Variants in DENND2B observed in about 807,000 individuals in gnomAD.
The protein encoded by DENND2B is DENN domain-containing protein 2B.
DENND2B carries 32 observed loss-of-function variants against 116.0 expected under a neutral mutation model. That is an observed-to-expected ratio of 0.28 (90% CI 0.21 to 0.37). The LOEUF (loss-of-function observed/expected upper bound fraction) is 0.37. Among genes scored for constraint, DENND2B ranks in the 10% least tolerant of loss-of-function variants. DENND2B has a pLI of 1.00. For synonymous variants in DENND2B, 588 were observed against 583.9 expected (o/e 1.01, Z -0.10); for missense variants, 1,276 against 1,477.7 (o/e 0.86, Z 2.24).
Position 8,717,868 on chromosome 11 carries a change from T to C in DENND2B, c.1502A>G (p.Tyr501Cys), listed in dbSNP as rs1424857379. ...IVGDLPKENP[Y>C]EDVDLKSRRA... ...TCGGCTCTTTAAGTCCACATCCTCATATGGATTCTCCTTGGGCAGATCTCC... is the reference window on the plus strand; with the variant it reads ...TCGGCTCTTTAAGTCCACATCCTCACATGGATTCTCCTTGGGCAGATCTCC... The change falls in exon 5 of 20, where the codon TAT becomes TGT. Residue 501 changes from tyrosine (Y) to cysteine (C), a missense_variant. Tyr to Cys is a radical substitution (Grantham distance 194). This residue lies in a region of DENND2B where 856 missense variants were observed against 846.6 expected (regional missense o/e 1.01). Coordinates refer to ENST00000313726, the MANE Select transcript of DENND2B (RefSeq NM_213618.2). 2 of 1,612,404 alleles carry C rather than the reference T, an allele frequency of 1.2e-6. No individual in the cohort carries two copies. Among genetic ancestry groups the C allele is most frequent in the South Asian group, 1.1e-5 (1 of 91,002 alleles).
intron 2 of DENND2B, among the ~76,000 whole-genome samples, chr11:8,732,401 G>A (rs562260098): frequency 7.1e-4 from 108 of 152,330 alleles, no homozygotes; most frequent in African/African-American, 2.4e-3. Context: ...AAACCAGGAC[G>A]TGAACTTCCA....
At chr11:8,811,602 C>T (rs1566003173), upstream of DENND2B, 1 of 355,702 alleles carries the variant, frequency 2.8e-6, no homozygotes, top group Non-Finnish European at 5.0e-6. Flanking sequence ...CCCTTCCTCT[C>T]CCCCCTACCC....
At chr11:8,715,038 G>A (rs928714294) in intron 6 of DENND2B, among the ~76,000 whole-genome samples, 1 of 152,192 alleles carries the variant, frequency 6.6e-6, no homozygotes, top group African/African-American at 2.4e-5. Context: ...CTGAGACAAA[G>A]AGCCTCTGAG....
At chr11:8,896,364 TAGG>T (rs2064101587) in intron 1 of DENND2B, among the ~76,000 whole-genome samples, 1 of 152,092 alleles carries the variant, frequency 6.6e-6, no homozygotes, top group African/African-American at 2.4e-5. Context: ...CAAAAAAGGT[TAGG>T]AGGAATATAA....
intron 3 of DENND2B, chr11:8,845,219 C>T (rs1299779686): frequency 1.3e-5 from 2 of 152,070 alleles, no homozygotes; most frequent in African/African-American, 4.8e-5. Context: ...TAGTGGTAAG[C>T]ACCAAGAAAC....
intron 4 of DENND2B, among the ~76,000 whole-genome samples, chr11:8,724,496 G>A (rs2046760249): frequency 1.3e-5 from 2 of 152,148 alleles, no homozygotes; most frequent in African/African-American, 4.8e-5. Context: ...ACACTGACAC[G>A]CACACTTCAC....
intron 3 of DENND2B, among the ~76,000 whole-genome samples, chr11:8,726,695 T>G (rs2047136734): frequency 6.6e-6 from 1 of 152,188 alleles, no homozygotes; most frequent in African/African-American, 2.4e-5. Flanking sequence ...TGGAATTGAG[T>G]GCCTGGTCTG....
chr11:8,811,380 C>T, upstream of DENND2B: 1 of 398,510 alleles, frequency 2.5e-6, no homozygotes, highest in Non-Finnish European at 4.4e-6. Flanking sequence ...CAGGAAGAAT[C>T]CTGGGCAAGT....
chr11:8,900,236 TA>T (rs971630701), intron 1 of DENND2B, among the ~76,000 whole-genome samples: 4 of 149,384 alleles, frequency 2.7e-5, no homozygotes, highest in African/African-American at 9.9e-5. Context: ...CTGTCCTGGC[TA>T]ACACGGTGAA....
At chr11:8,829,932 A>G (rs75677722) in intron 4 of DENND2B, among the ~76,000 whole-genome samples, 2,851 of 152,286 alleles carry the variant, frequency 0.019, 33 homozygotes, top group Non-Finnish European at 0.031. Context: ...TAGCTCTCAC[A>G]GGTCAGAAAC....
chr11:8,778,759 C>T (rs1460067138), intron 1 of DENND2B, among the ~76,000 whole-genome samples: 1 of 152,234 alleles, frequency 6.6e-6, no homozygotes, highest in Non-Finnish European at 1.5e-5. Context: ...CTGGAGGGCA[C>T]ACCCTGAACA....
chr11:8,733,828 C>T (rs570373686), intron 2 of DENND2B, among the ~76,000 whole-genome samples: 81 of 152,356 alleles, frequency 5.3e-4, no homozygotes, highest in African/African-American at 1.8e-3. Context: ...AGGTTAAGAA[C>T]TTTCTCTCAA....
At chr11:8,834,315 G>C (rs1256647551) in intron 4 of DENND2B, among the ~76,000 whole-genome samples, 2 of 152,202 alleles carry the variant, frequency 1.3e-5, no homozygotes, top group African/African-American at 4.8e-5. Flanking sequence ...GCGTCCTACA[G>C]GAAAGGTCTG....
intron 1 of DENND2B, among the ~76,000 whole-genome samples, chr11:8,901,234 T>C (rs66759270): frequency 0.047 from 2,102 of 44,284 alleles, 12 homozygotes; most frequent in East Asian, 0.35. Context: ...CTTTTCTTTT[T>C]TTTTTTTTTT....
chr11:8,792,409 G>A (rs12421789), intron 1 of DENND2B, among the ~76,000 whole-genome samples: 80,288 of 151,816 alleles, frequency 0.53, 21,383 homozygotes, highest in Middle Eastern at 0.66. Context: ...CGAGATGAGG[G>A]GAAGCACCTT....
chr11:8,726,749 C>T (rs985535789), intron 3 of DENND2B, among the ~76,000 whole-genome samples: 1 of 152,196 alleles, frequency 6.6e-6, no homozygotes, highest in Non-Finnish European at 1.5e-5. Flanking sequence ...GCTGGGGACT[C>T]CTGCCACTGC....
chr11:8,707,973 C>T lies in DENND2B; in HGVS notation c.2353-119G>A, dbSNP rs1656740447. On this transcript the variant is annotated intron_variant, in intron 11 of 19. Coordinates refer to ENST00000313726, the MANE Select transcript of DENND2B (RefSeq NM_213618.2). The surrounding 1 kb of genome is among the most constrained non-coding windows in gnomAD (Gnocchi z 4.8). The stretch of plus-strand genomic sequence containing the variant: ...GGACTGCCCTTCTAGTGGAGGAAGA[C>T]TTTAAGCCTCCTCTAAACCTCTCTG... 3 of 1,534,388 alleles carry T rather than the reference C, an allele frequency of 2.0e-6. No homozygotes were observed. Among genetic ancestry groups the T allele is most frequent in the Non-Finnish European group, 2.6e-6 (3 of 1,145,020 alleles).
chr11:8,893,776 T>C (rs550420450), intron 1 of DENND2B, among the ~76,000 whole-genome samples: 21 of 152,304 alleles, frequency 1.4e-4, no homozygotes, highest in Non-Finnish European at 2.4e-4. Context: ...GAACATTCCA[T>C]GCTCATGGAT....
Position 8,726,225 on chromosome 11 carries a change from G to A in DENND2B, c.1341-16C>T. 6.3e-7 allele frequency: 1 copy of A among 1,598,426 alleles called. No homozygotes were observed. The highest frequency in any genetic ancestry group is 8.5e-7 in the Non-Finnish European group (1 of 1,172,274). ...AAAGGATTTTCTGTGGATAACAAGA[G>A]CAAGAGTCATTCCTGCTGAATCAGA... On this transcript the variant is annotated splice_polypyrimidine_tract_variant and intron_variant, in intron 3 of 19. Coordinates refer to ENST00000313726, the MANE Select transcript of DENND2B (RefSeq NM_213618.2).
Sources: allele counts gnomAD v4.1 joint callset (sites outside exome capture counted in the v4.1 genomes callset), GRCh38; gene constraint gnomAD v4.1.1; regional missense constraint gnomAD v4.1.1; non-coding constraint Gnocchi (gnomAD v3.1); transcripts MANE v1.5; gene names NCBI Gene and HGNC (gene_info 2026-07-23, HGNC 2026-07-21).